Variants in DCC observed in about 807,000 individuals in gnomAD.
The protein encoded by DCC is DCC netrin 1 receptor.
DCC carries 58 observed loss-of-function variants against 172.5 expected under a neutral mutation model. The observed-to-expected ratio is 0.34, with a 90% CI of 0.27 to 0.42. The LOEUF is 0.42. Ranked by LOEUF, DCC falls within the 10% of genes least tolerant of loss-of-function variation. DCC has a pLI of 1.00. For missense variants in DCC, 1,740 were observed against 1,791.0 expected (o/e 0.97, Z 0.51); for synonymous variants, 709 against 644.5 (o/e 1.10, Z -1.52).
intron 2 of DCC, among the ~76,000 whole-genome samples, chr18:52,808,866 C>A (rs1445461807): frequency 6.6e-6 from 1 of 152,138 alleles, no homozygotes; most frequent in Non-Finnish European, 1.5e-5. Context: ...TGGTCTGGAC[C>A]TATGAGATTT....
intron 8 of DCC, among the ~76,000 whole-genome samples, chr18:53,162,382 G>A (rs1005354705): frequency 2.2e-4 from 34 of 151,800 alleles, no homozygotes; most frequent in African/African-American, 7.2e-4. Flanking sequence ...GTACAACCAA[G>A]TCTCATTGGA....
At chr18:52,731,248 A>G (rs914287563) in intron 1 of DCC, among the ~76,000 whole-genome samples, 15 of 152,214 alleles carry the variant, frequency 9.9e-5, no homozygotes, top group Non-Finnish European at 1.6e-4. Flanking sequence ...ATGTGAGAGT[A>G]TGTGTTTGAT....
intron 1 of DCC, among the ~76,000 whole-genome samples, chr18:52,486,872 C>T (rs1005878502): frequency 6.6e-6 from 1 of 152,140 alleles, no homozygotes; most frequent in Non-Finnish European, 1.5e-5. Flanking sequence ...TTTTACAGAA[C>T]GTTCTGATTT....
chr18:52,723,741 A>G (rs1414167387), intron 1 of DCC, among the ~76,000 whole-genome samples: 1 of 152,176 alleles, frequency 6.6e-6, no homozygotes, highest in Non-Finnish European at 1.5e-5. Context: ...TAATGCAAGG[A>G]AGTCTTTATA....
intron 22 of DCC, among the ~76,000 whole-genome samples, chr18:53,448,687 G>A (rs1000918915): frequency 2.0e-5 from 3 of 152,054 alleles, no homozygotes; most frequent in Non-Finnish European, 2.9e-5. Context: ...GGCAAAACCC[G>A]TCTCTACTAA....
intron 5 of DCC, among the ~76,000 whole-genome samples, chr18:53,026,242 G>T (rs1454127483): frequency 6.6e-6 from 1 of 151,956 alleles, no homozygotes; most frequent in Non-Finnish European, 1.5e-5. Flanking sequence ...GGTGAAAAAA[G>T]AAAATTTAAT....
intron 1 of DCC, among the ~76,000 whole-genome samples, chr18:52,751,185 C>T (rs1209325167): frequency 1.3e-5 from 2 of 152,194 alleles, no homozygotes; most frequent in Non-Finnish European, 2.9e-5. Flanking sequence ...TTTAAGTATA[C>T]ACCTGTCTGA....
chr18:52,943,052 GT>G (rs1482419865), intron 5 of DCC, among the ~76,000 whole-genome samples: 4 of 151,982 alleles, frequency 2.6e-5, no homozygotes, highest in African/African-American at 9.7e-5. Context: ...TTTCCTCTTT[GT>G]TATTTATACC....
At chr18:53,363,532 C>A (rs932564403) in intron 15 of DCC, among the ~76,000 whole-genome samples, 1 of 150,342 alleles carries the variant, frequency 6.7e-6, no homozygotes, top group Non-Finnish European at 1.5e-5. Flanking sequence ...GAGCTGCGTT[C>A]TTTTATAACT....
chr18:53,470,638 C>T (rs1361458756), intron 25 of DCC, among the ~76,000 whole-genome samples: 1 of 152,148 alleles, frequency 6.6e-6, no homozygotes, highest in East Asian at 1.9e-4. Context: ...GACAGTTCTG[C>T]ATGGCTGAGG....
intron 1 of DCC, among the ~76,000 whole-genome samples, chr18:52,682,476 T>C (rs560412344): frequency 3.3e-5 from 5 of 152,106 alleles, no homozygotes; most frequent in Non-Finnish European, 5.9e-5. Flanking sequence ...AGAAGAATAG[T>C]GGGCCTGGAG....
At chr18:52,387,469 C>A (rs1378679172) in intron 1 of DCC, among the ~76,000 whole-genome samples, 1 of 152,090 alleles carries the variant, frequency 6.6e-6, no homozygotes, top group Admixed American at 6.5e-5. Context: ...TCTGCAAGCC[C>A]TTGCTATGTG....
At chr18:52,720,064 A>T (rs942022856) in intron 1 of DCC, among the ~76,000 whole-genome samples, 4 of 152,230 alleles carry the variant, frequency 2.6e-5, no homozygotes, top group African/African-American at 9.6e-5. Flanking sequence ...AAGTGACCCC[A>T]GCAGGCTAGG....
intron 15 of DCC, among the ~76,000 whole-genome samples, chr18:53,370,083 C>T (rs1261431495): frequency 4.0e-5 from 6 of 151,588 alleles, no homozygotes; most frequent in Admixed American, 3.9e-4. Flanking sequence ...CCCATGAGGT[C>T]CTGGACTTTT....
At chr18:53,054,201 T>A (rs1169868807) in intron 5 of DCC, among the ~76,000 whole-genome samples, 3 of 152,138 alleles carry the variant, frequency 2.0e-5, no homozygotes, top group Admixed American at 6.6e-5. Flanking sequence ...ACATATTTTA[T>A]TTTTTATAGT....
intron 5 of DCC, among the ~76,000 whole-genome samples, chr18:53,060,073 G>A (rs111975496): frequency 0.01 from 1,563 of 149,538 alleles, 30 homozygotes; most frequent in African/African-American, 0.035. Flanking sequence ...GCACAATAGC[G>A]GCTCACTGCA....
At chr18:52,462,171 T>C (rs1988650767) in intron 1 of DCC, among the ~76,000 whole-genome samples, 1 of 152,174 alleles carries the variant, frequency 6.6e-6, no homozygotes, top group Non-Finnish European at 1.5e-5. Context: ...GAAGTGATAG[T>C]GTATTTATGG....
intron 9 of DCC, among the ~76,000 whole-genome samples, chr18:53,202,278 T>A (rs1014331103): frequency 6.6e-6 from 1 of 152,190 alleles, no homozygotes; most frequent in African/African-American, 2.4e-5. Flanking sequence ...CAATGGGGCA[T>A]GTCACAGGGA....
chr18:53,265,733 G>A (rs939381648), intron 12 of DCC, among the ~76,000 whole-genome samples: 12 of 152,158 alleles, frequency 7.9e-5, no homozygotes, highest in Non-Finnish European at 1.6e-4. Context: ...TCTCAGCTCC[G>A]ATCTGTTATC....
Sources: gnomAD v4.1 joint callset for allele counts (sites outside exome capture counted in the v4.1 genomes callset) on GRCh38, gnomAD v4.1.1 for gene constraint, MANE v1.5 for transcripts, NCBI Gene and HGNC (gene_info 2026-07-23, HGNC 2026-07-21) for gene names.